The following CFAP44 variants were observed in gnomAD, a reference collection of about 807,000 sequenced individuals.
CFAP44 encodes cilia and flagella associated protein 44, also known as cilia- and flagella-associated protein 44.
Under a neutral mutation model 216.2 loss-of-function variants are expected in CFAP44, and 134 were observed. The ratio of observed to expected loss-of-function variants is 0.62; its 90% CI spans 0.54 to 0.72. CFAP44 has a LOEUF of 0.72. Ranked by LOEUF, CFAP44 falls within the 30% of genes least tolerant of loss-of-function variation. The probability of loss-of-function intolerance (pLI) is 0.00; values close to 1 mark genes in which losing one functional copy is unlikely to be tolerated. For missense variants in CFAP44, 2,035 were observed against 2,182.1 expected (o/e 0.93, Z 1.34); for synonymous variants, 700 against 727.6 (o/e 0.96, Z 0.61).
At position 113,361,072 on chromosome 3, in the gene CFAP44, T is replaced by C. The variant is rs2107311102; in HGVS notation, c.2934+2073A>G. On this transcript the variant is annotated intron_variant, in intron 21 of 34. Coordinates refer to ENST00000393845, the MANE Select transcript of CFAP44 (RefSeq NM_001164496.2). ...CTATTACCAAGTCAGTTGCATCAAG[T>C]AAATTATGATTTACTTGGTTAGTGG... The C allele has an allele frequency of 1.7e-5, 4 of 239,030 alleles. No homozygotes were observed. In the South Asian group the frequency reaches 2.5e-4, roughly 15 times the overall value. 14.8% of individuals were successfully genotyped at this position (239,030 alleles called of 1,614,324 possible).
Position 113,291,260 on chromosome 3 carries a change from T to C in CFAP44, c.*297A>G, listed in dbSNP as rs773618326. 3.7e-5 allele frequency: 9 copies of C among 243,564 alleles called. No homozygotes were observed. The highest frequency in any genetic ancestry group is 6.4e-5 in the Non-Finnish European group (8 of 125,312). 15.1% of individuals were successfully genotyped at this position (243,564 alleles called of 1,614,324 possible). A position where few individuals can be genotyped will look rare whatever the true frequency, so the allele number is the denominator to read the frequency against. On this transcript the variant is annotated 3_prime_UTR_variant, in exon 35 of 35. Transcript: ENST00000393845. Reference sequence around the variant, plus strand: ...AATCAAATTTTCCTAAAACAAAATATATTACAGGTGATTTGCTGCAATCAT... The same window carrying C: ...AATCAAATTTTCCTAAAACAAAATACATTACAGGTGATTTGCTGCAATCAT...
chr3:113,377,570 T>C (rs1433411332), intron 17 of CFAP44, among the ~76,000 whole-genome samples: 3 of 152,032 alleles, frequency 2.0e-5, no homozygotes, highest in Non-Finnish European at 4.4e-5. Context: ...CTTAGAAAAA[T>C]ACCTGATACA....
chr3:113,389,042 A>G (rs547675921), intron 15 of CFAP44, among the ~76,000 whole-genome samples: 16 of 152,356 alleles, frequency 1.1e-4, no homozygotes, highest in African/African-American at 3.8e-4. Context: ...AGATATTTAT[A>G]GAACTTTTTA....
chr3:113,351,069 A>G (rs1376385150), intron 22 of CFAP44, among the ~76,000 whole-genome samples: 2 of 152,296 alleles, frequency 1.3e-5, no homozygotes, highest in Non-Finnish European at 2.9e-5. Context: ...GGTTAGGAAA[A>G]TTGCCTAATA....
intron 28 of CFAP44, among the ~76,000 whole-genome samples, chr3:113,322,248 T>C (rs1461444814): frequency 7.2e-5 from 11 of 152,036 alleles, no homozygotes; most frequent in Non-Finnish European, 1.3e-4. Context: ...TTCAACAAGG[T>C]TGACAAAAAC....
chr3:113,402,665 G>A lies in CFAP44; in HGVS notation c.1171-926C>T, dbSNP rs539117942. Among the ~76,000 whole-genome samples, 110 of 152,306 alleles carry A rather than the reference G, an allele frequency of 7.2e-4. 1 individual carries two copies. The highest frequency in any genetic ancestry group is 2.4e-3 in the African/African-American group (100 of 41,564). ...AAACTAGGATCAGACTAACCCCTGG[G>A]AGTTGGGCTAGGTTTTTTCTATGGG... On this transcript the variant is annotated intron_variant, in intron 9 of 34. Coordinates refer to ENST00000393845, the MANE Select transcript of CFAP44 (RefSeq NM_001164496.2).
Position 113,395,183 on chromosome 3 carries a change from T to C in CFAP44, c.1890+567A>G, listed in dbSNP as rs942348594. ...CTGGCACAGCACTTGGTTTAGACAG[T>C]CAATCAATATTTAGATGACTGAATT... On this transcript the variant is annotated intron_variant, in intron 15 of 34. Coordinates refer to ENST00000393845, the MANE Select transcript of CFAP44 (RefSeq NM_001164496.2). Among the ~76,000 whole-genome samples the C allele has an allele frequency of 2.5e-4, 38 of 152,352 alleles. 1 individual carries two copies. The highest frequency in any genetic ancestry group is 2.0e-3 in the Admixed American group (30 of 15,298).
intron 13 of CFAP44, among the ~76,000 whole-genome samples, chr3:113,397,779 C>G (rs115558470): frequency 1.1e-3 from 163 of 152,176 alleles, no homozygotes; most frequent in Non-Finnish European, 2.1e-3. Flanking sequence ...ACAGAAAACA[C>G]TGGAAGGGAG....
intron 32 of CFAP44, among the ~76,000 whole-genome samples, chr3:113,300,360 A>G (rs1378423701): frequency 6.6e-6 from 1 of 152,132 alleles, no homozygotes; most frequent in Non-Finnish European, 1.5e-5. Context: ...CTAAAAGAGT[A>G]TAATCGGATT....
chr3:113,420,202 A>G, intron 4 of CFAP44, 23 bp from the exon 5 acceptor site: 3 of 1,599,942 alleles, frequency 1.9e-6, no homozygotes, highest in African/African-American at 1.3e-5. Flanking sequence ...TGCTAAGGAA[A>G]AGAAGTGAAA....
At position 113,363,218 on chromosome 3, in the gene CFAP44, G is replaced by C. The variant is rs1179742994; in HGVS notation, c.2861C>G (p.Ala954Gly). ...TAGATTACAAAATTCACTCCTCAAA[G>C]CTTTGATTTGCTCTCTCTTCCGTGC... ...IKARKREQIK[A>G]LRSEFCNLLE... is the part of the protein sequence containing the mutation. Residue 954 changes from alanine (A) to glycine (G), a missense_variant, in exon 21 of 35, where the codon GCT becomes GGT. Physicochemically the swap from Ala to Gly is moderately conservative, Grantham distance 60. Around this residue, in one of 3 missense-constraint regions of CFAP44, gnomAD observed 1,883 missense variants for 2,023.7 expected, o/e 0.93. Transcript: ENST00000393845. The C allele has an allele frequency of 3.1e-6, 5 of 1,613,292 alleles. No individual in the cohort carries two copies. In the South Asian group the frequency reaches 5.5e-5, roughly 18 times the overall value.
chr3:113,436,158 A>G (rs1935234920), intron 1 of CFAP44, among the ~76,000 whole-genome samples: 1 of 152,190 alleles, frequency 6.6e-6, no homozygotes, highest in African/African-American at 2.4e-5. Context: ...TGTGTTGGCC[A>G]GGGCTGAGAA....
intron 24 of CFAP44, among the ~76,000 whole-genome samples, chr3:113,340,121 T>C (rs1258173694): frequency 6.6e-6 from 1 of 152,140 alleles, no homozygotes; most frequent in Non-Finnish European, 1.5e-5. Context: ...GCTGCGGGCA[T>C]GCCCAGGTGC....
chr3:113,366,143 GATC>G lies in CFAP44; in HGVS notation c.2608_2610del (p.Asp870del). The G allele has an allele frequency of 6.2e-7, 1 of 1,613,844 alleles. No homozygotes were observed. Among genetic ancestry groups the G allele is most frequent in the Non-Finnish European group, 8.5e-7 (1 of 1,179,926 alleles). On this transcript the variant is annotated inframe_deletion, in exon 19 of 35. Coordinates refer to ENST00000393845, the MANE Select transcript of CFAP44 (RefSeq NM_001164496.2). ...TCTGCTCCAGCAGTCACCAAGAAAC[GATC>G]ATCAAAGCTATTAGCAATACTTTTA... is the stretch of plus-strand genomic sequence containing the variant.
At chr3:113,350,426 G>C (rs1950432970) in intron 22 of CFAP44, among the ~76,000 whole-genome samples, 1 of 152,128 alleles carries the variant, frequency 6.6e-6, no homozygotes, top group Non-Finnish European at 1.5e-5. Context: ...GTCAGAAAGA[G>C]AGAAAGAGAC....
At chr3:113,439,033 C>T (rs1935297827) in intron 1 of CFAP44, among the ~76,000 whole-genome samples, 2 of 152,188 alleles carry the variant, frequency 1.3e-5, no homozygotes, top group African/African-American at 4.8e-5. Context: ...CATTGTATTC[C>T]TTTAAGGCAG....
rs145525630 is a variant in CFAP44 at position 113,389,705 on chromosome 3, C to A, written c.1890+6045G>T. 1.9e-3 allele frequency among the ~76,000 whole-genome samples: 285 copies of A among 152,026 alleles called. 2 individuals carry two copies. The highest frequency in any genetic ancestry group is 5.6e-3 in the African/African-American group (232 of 41,492). ...CTGATACCACAGAAATTCAAAGGAT[C>A]AGTAGAGGCTACTATGAGCAACTTT... On this transcript the variant is annotated intron_variant, in intron 15 of 34. Coordinates refer to ENST00000393845, the MANE Select transcript of CFAP44 (RefSeq NM_001164496.2).
chr3:113,333,299 T>C (rs1950255779), intron 25 of CFAP44, 107 bp downstream of exon 25: 4 of 955,224 alleles, frequency 4.2e-6, no homozygotes, highest in South Asian at 1.7e-5. Context: ...TAAATTTCTA[T>C]GGTTATATAT....
intron 28 of CFAP44, among the ~76,000 whole-genome samples, chr3:113,322,874 G>C (rs575794146): frequency 6.6e-6 from 1 of 152,306 alleles, no homozygotes; most frequent in South Asian, 2.1e-4. Context: ...AGGTTTAATT[G>C]ACTCACAGCT....
Sources: allele counts gnomAD v4.1 joint callset (sites outside exome capture counted in the v4.1 genomes callset), GRCh38; gene constraint gnomAD v4.1.1; regional missense constraint gnomAD v4.1.1; transcripts MANE v1.5; gene names NCBI Gene and HGNC (gene_info 2026-07-23, HGNC 2026-07-21).